PLEKHA7: variants seen among roughly 807,000 people sequenced by gnomAD.
PLEKHA7 encodes the protein pleckstrin homology domain containing A7, also known as pleckstrin homology domain-containing family A member 7.
Under a neutral mutation model 170.0 loss-of-function variants are expected in PLEKHA7, and 104 were observed. The observed-to-expected ratio is 0.61, with a 90% confidence interval of 0.52 to 0.72. The LOEUF (loss-of-function observed/expected upper bound fraction) is 0.72, where lower values mean the gene tolerates loss of function less well. Ranked by LOEUF, PLEKHA7 falls within the 30% of genes least tolerant of loss-of-function variation. PLEKHA7 has a pLI of 0.00. For synonymous variants in PLEKHA7, 648 were observed against 660.8 expected, an observed-to-expected ratio of 0.98 and a Z score of 0.30; for missense variants, 1,615 against 1,671.7, an observed-to-expected ratio of 0.97 and a Z score of 0.59.
At chr11:16,892,432 G>GTTTTGTTTTGTTT (rs763934828) in intron 3 of PLEKHA7, among the ~76,000 whole-genome samples, 6,950 of 114,934 alleles carry the variant, frequency 0.06, 295 homozygotes, top group East Asian at 0.19. Flanking sequence ...GTGTGTGTGT[G>GTTTTGTTTTGTTT]TGTTTTGTTT....
chr11:16,885,122 T>C (rs1040106060), intron 3 of PLEKHA7, among the ~76,000 whole-genome samples: 1 of 151,840 alleles, frequency 6.6e-6, no homozygotes, highest in Non-Finnish European at 1.5e-5. Context: ...AGGTGGATCA[T>C]TTGAGGTCAG....
intron 8 of PLEKHA7, among the ~76,000 whole-genome samples, chr11:16,847,876 C>G (rs894785610): frequency 6.7e-6 from 1 of 149,950 alleles, no homozygotes; most frequent in African/African-American, 2.5e-5. Flanking sequence ...TGGCTTTATC[C>G]TGAAAGCAAT....
chr11:16,784,456 C>T (rs1354484298), intron 24 of PLEKHA7, among the ~76,000 whole-genome samples: 1 of 152,172 alleles, frequency 6.6e-6, no homozygotes, highest in Non-Finnish European at 1.5e-5. Context: ...ATGGTGCTTT[C>T]TGTCCCTAAA....
chr11:16,817,464 C>T lies in PLEKHA7; in HGVS notation c.1344-142G>A, dbSNP rs1849862567. ...CAAAAGAATGATCAAGGCCGACATC[C>T]AGGACTTCAGTCACTTCCCCTTTTG... On this transcript the variant is annotated intron_variant, in intron 10 of 26. Transcript: ENST00000531066. This position sits in a 1 kb window ranked among gnomAD's most constrained non-coding sequence, Gnocchi z 4.4. 1.3e-6 allele frequency: 1 copy of T among 780,232 alleles called. No homozygotes were observed. The highest frequency in any genetic ancestry group is 1.7e-5 in the African/African-American group (1 of 57,858). The allele number at this position is 780,232 out of a possible 1,614,324, so 48.3% of individuals were successfully genotyped here. A position where few individuals can be genotyped will look rare whatever the true frequency, so the allele number is the denominator to read the frequency against.
intron 3 of PLEKHA7, among the ~76,000 whole-genome samples, chr11:17,008,509 A>G (rs1865147084): frequency 6.6e-6 from 1 of 152,178 alleles, no homozygotes. Context: ...CTGGCTGTTG[A>G]GCTTCTCTCA....
Position 16,789,094 on chromosome 11 carries a change from A to C in PLEKHA7, c.3357+2T>G, listed in dbSNP as rs1440223488. On this transcript the variant is annotated splice_donor_variant, in intron 23 of 26. Coordinates refer to ENST00000531066, the MANE Select transcript of PLEKHA7 (RefSeq NM_001329630.2). LOFTEE classifies it high-confidence loss of function. This position sits in a 1 kb window ranked among gnomAD's most constrained non-coding sequence, Gnocchi z 4.6. ...CCCGCTGCCTGGCCCCTCCTAACATACTGAGCCAAGATCTCCAGGGAGCGG... is the reference window on the plus strand; with the variant it reads ...CCCGCTGCCTGGCCCCTCCTAACATCCTGAGCCAAGATCTCCAGGGAGCGG... 1.9e-5 allele frequency: 30 copies of C among 1,601,604 alleles called. No homozygotes were observed. Among genetic ancestry groups the C allele is most frequent in the Non-Finnish European group, 2.5e-5 (29 of 1,179,882 alleles).
In PLEKHA7 at chr11:16,911,996, C is replaced by A. The variant is rs184273311; in HGVS notation, c.222-40814G>T. ...CATCTCTGGAGGCTTCCCATCAAGC[C>A]AATCCCTCACATGAAAGCCCTGATG... On this transcript the variant is annotated intron_variant, in intron 3 of 26. Transcript: ENST00000531066. Among the ~76,000 whole-genome samples the A allele has an allele frequency of 2.6e-5, 4 of 152,298 alleles. No homozygotes were observed. The East Asian group carries it at 7.7e-4, about 29-fold the overall frequency.
chr11:16,827,005 G>A (rs1199823790), intron 9 of PLEKHA7, among the ~76,000 whole-genome samples: 1 of 152,166 alleles, frequency 6.6e-6, no homozygotes, highest in Admixed American at 6.5e-5. Context: ...CTGCAAGAGA[G>A]AATGAATAAA....
chr11:17,002,537 G>A (rs567044194), intron 3 of PLEKHA7, among the ~76,000 whole-genome samples: 3 of 152,234 alleles, frequency 2.0e-5, no homozygotes, highest in South Asian at 2.1e-4. Flanking sequence ...GTGATGCTGG[G>A]GCCTTGGGAA....
intron 3 of PLEKHA7, among the ~76,000 whole-genome samples, chr11:16,923,309 T>C (rs1859235995): frequency 6.6e-6 from 1 of 152,100 alleles, no homozygotes; most frequent in African/African-American, 2.4e-5. Context: ...AATCCTCAAC[T>C]CACAGAGTAC....
chr11:16,964,301 C>G (rs1005640950), intron 3 of PLEKHA7, among the ~76,000 whole-genome samples: 4 of 152,214 alleles, frequency 2.6e-5, no homozygotes, highest in Non-Finnish European at 4.4e-5. Context: ...TCTGTTTGAG[C>G]TCCTGCTTTC....
chr11:16,821,115 C>T (rs1406076496), intron 10 of PLEKHA7, among the ~76,000 whole-genome samples: 1 of 152,196 alleles, frequency 6.6e-6, no homozygotes, highest in Non-Finnish European at 1.5e-5. Flanking sequence ...AGGCACTAAA[C>T]AGGATATTCT....
At chr11:16,826,770 A>C (rs1411423272) in intron 9 of PLEKHA7, among the ~76,000 whole-genome samples, 180 bp from the exon 10 acceptor site, 1 of 152,076 alleles carries the variant, frequency 6.6e-6, no homozygotes, top group Non-Finnish European at 1.5e-5. Flanking sequence ...CTGGCTTAAC[A>C]CCACCTCCTC....
At chr11:16,972,863 G>A (rs185838660) in intron 3 of PLEKHA7, among the ~76,000 whole-genome samples, 20 of 152,208 alleles carry the variant, frequency 1.3e-4, no homozygotes, top group East Asian at 5.8e-4. Context: ...TAGAAACCTC[G>A]GCCAGTAACC....
intron 3 of PLEKHA7, among the ~76,000 whole-genome samples, chr11:16,938,489 C>T (rs1860463265): frequency 6.6e-6 from 1 of 151,794 alleles, no homozygotes; most frequent in South Asian, 2.1e-4. Context: ...AGATAGGTGC[C>T]CCCCTCACTT....
At chr11:16,807,201 G>A in intron 13 of PLEKHA7, 2 of 985,310 alleles carry the variant, frequency 2.0e-6, no homozygotes, top group Non-Finnish European at 2.4e-6. Context: ...AAAGCACGTT[G>A]ATCAAAGGTT....
chr11:16,856,200 C>G (rs1336612369), intron 4 of PLEKHA7, among the ~76,000 whole-genome samples: 4 of 152,202 alleles, frequency 2.6e-5, no homozygotes, highest in Non-Finnish European at 5.9e-5. Flanking sequence ...CCCACACTCA[C>G]TCTCTTAATC....
intron 16 of PLEKHA7, 120 bp from the exon 17 acceptor site, chr11:16,801,195 C>T (rs79407278): frequency 1.2e-6 from 1 of 841,042 alleles, no homozygotes; most frequent in Non-Finnish European, 2.0e-6. Flanking sequence ...GGAGACCGGG[C>T]AGGCCTGGTG....
At chr11:16,856,828 C>T (rs1277767738) in intron 4 of PLEKHA7, among the ~76,000 whole-genome samples, 3 of 152,210 alleles carry the variant, frequency 2.0e-5, no homozygotes, top group Non-Finnish European at 1.5e-5. Context: ...ATCAGCAAGC[C>T]TTCCTCAAAG....
Sources: gnomAD v4.1 joint callset for allele counts (sites outside exome capture counted in the v4.1 genomes callset) on GRCh38, gnomAD v4.1.1 for gene constraint, Gnocchi (gnomAD v3.1) non-coding constraint, MANE v1.5 for transcripts, NCBI Gene and HGNC (gene_info 2026-07-23, HGNC 2026-07-21) for gene names.